The following EVC2 variants were observed in gnomAD, a reference collection of about 807,000 sequenced individuals.
EVC2 encodes limbin.
EVC2 carries 148 observed loss-of-function variants against 149.3 expected under a neutral mutation model. The ratio of observed to expected loss-of-function variants is 0.99; its 90% CI spans 0.87 to 1.14. The LOEUF (loss-of-function observed/expected upper bound fraction) is 1.14, where lower values mean the gene tolerates loss of function less well. EVC2 is among the 50% of genes most tolerant of loss of function. EVC2 has a pLI of 0.00. For synonymous variants in EVC2, 776 were observed against 649.9 expected (o/e 1.19, Z -2.95); for missense variants, 1,854 against 1,627.3 (o/e 1.14, Z -2.40).
chr4:5,615,695 T>C (rs1033016265), intron 15 of EVC2, 151 bp from the exon 16 acceptor site: 2 of 1,158,532 alleles, frequency 1.7e-6, no homozygotes, highest in Admixed American at 1.8e-5. Context: ...GAGAGAGGTA[T>C]GTTCTTCTGG....
chr4:5,604,989 G>C (rs1714271240), intron 16 of EVC2, among the ~76,000 whole-genome samples: 3 of 150,300 alleles, frequency 2.0e-5, no homozygotes, highest in Admixed American at 1.3e-4. Context: ...TGAAGATGAT[G>C]AGGATGAAGA....
rs765707073 is a variant in EVC2 at position 5,622,497 on chromosome 4, G to A, written c.2501+40C>T. On this transcript the variant is annotated intron_variant, in intron 14 of 21. Transcript: ENST00000344408. This position sits in a 1 kb window ranked among gnomAD's most constrained non-coding sequence, Gnocchi z 5.8. ...GGGCAGGAATCTCCCTGGCATCAAC[G>A]GGATGGGGAGGGGTGATTACGACCC... is the stretch of plus-strand genomic sequence containing the variant. 13 of 1,600,768 alleles carry A rather than the reference G, an allele frequency of 8.1e-6. No homozygotes were observed. The highest frequency in any genetic ancestry group is 3.4e-5 in the Admixed American group (2 of 58,836).
At chr4:5,611,320 T>C (rs1560163067) in intron 16 of EVC2, among the ~76,000 whole-genome samples, 1 of 152,250 alleles carries the variant, frequency 6.6e-6, no homozygotes, top group Admixed American at 6.5e-5. Flanking sequence ...AGTATGGAGA[T>C]TCACGCTCAT....
At chr4:5,603,776 A>G (rs940312568) in intron 16 of EVC2, among the ~76,000 whole-genome samples, 8 of 152,232 alleles carry the variant, frequency 5.3e-5, no homozygotes, top group African/African-American at 1.9e-4. Context: ...CAAGATCATT[A>G]TAATAAGACC....
chr4:5,589,528 T>G (rs1202844443), intron 16 of EVC2, among the ~76,000 whole-genome samples: 1 of 152,214 alleles, frequency 6.6e-6, no homozygotes, highest in Non-Finnish European at 1.5e-5. Flanking sequence ...CTGACTTGGC[T>G]TCCCCAAATT....
intron 20 of EVC2, among the ~76,000 whole-genome samples, chr4:5,566,531 A>G (rs1263523779): frequency 6.6e-6 from 1 of 152,048 alleles, no homozygotes; most frequent in African/African-American, 2.4e-5. Flanking sequence ...TTCAGTTCCC[A>G]TTGCTTGAAA....
At chr4:5,563,553 G>A (rs1157548723) in intron 21 of EVC2, among the ~76,000 whole-genome samples, 1 of 152,150 alleles carries the variant, frequency 6.6e-6, no homozygotes, top group Admixed American at 6.5e-5. Flanking sequence ...TGTTGGCCAG[G>A]ATGGTCTTGG....
At chr4:5,538,478 C>T (rs1043483880), downstream of EVC2, among the ~76,000 whole-genome samples, 2 of 152,200 alleles carry the variant, frequency 1.3e-5, no homozygotes, top group Non-Finnish European at 1.5e-5. Flanking sequence ...ATGAGGCCAG[C>T]GATAGCCTGA....
intron 17 of EVC2, among the ~76,000 whole-genome samples, chr4:5,578,070 C>G (rs1228215837): frequency 6.6e-6 from 1 of 152,204 alleles, no homozygotes; most frequent in Non-Finnish European, 1.5e-5. Flanking sequence ...CGTTTATAAT[C>G]TGCTGATGGT....
intron 7 of EVC2, among the ~76,000 whole-genome samples, chr4:5,680,490 T>G (rs538946312): frequency 6.6e-6 from 1 of 152,286 alleles, no homozygotes; most frequent in African/African-American, 2.4e-5. Context: ...TGCAGTCCAC[T>G]GTTCACCAAA....
intron 7 of EVC2, among the ~76,000 whole-genome samples, chr4:5,665,973 G>A (rs1719255334): frequency 6.6e-6 from 1 of 152,144 alleles, no homozygotes; most frequent in Non-Finnish European, 1.5e-5. Context: ...ATAATCCAAA[G>A]GAAGCACTAG....
chr4:5,599,356 T>C (rs1713762493), intron 16 of EVC2, among the ~76,000 whole-genome samples: 1 of 151,820 alleles, frequency 6.6e-6, no homozygotes, highest in African/African-American at 2.4e-5. Flanking sequence ...ATTAAGAAAA[T>C]GTGGCACATA....
At chr4:5,691,459 A>C in intron 3 of EVC2, 126 bp from the exon 4 acceptor site, 1 of 728,406 alleles carries the variant, frequency 1.4e-6, no homozygotes, top group Admixed American at 2.7e-5. Context: ...TCCTTAAGTA[A>C]TCTTGAAGTC....
chr4:5,646,678 G>GGTTT (rs571692208), intron 9 of EVC2, among the ~76,000 whole-genome samples: 1 of 152,074 alleles, frequency 6.6e-6, no homozygotes, highest in Non-Finnish European at 1.5e-5. Context: ...AATGAGTTTG[G>GGTTT]GTTTGTTTGT....
chr4:5,665,764 A>C (rs971702386), intron 7 of EVC2, 115 bp from the exon 8 acceptor site: 1 of 1,491,634 alleles, frequency 6.7e-7, no homozygotes, highest in Non-Finnish European at 9.1e-7. Flanking sequence ...ACTCGCTTGC[A>C]TTTGAGTCTC....
intron 16 of EVC2, among the ~76,000 whole-genome samples, chr4:5,590,916 G>C (rs1712738598): frequency 6.6e-6 from 1 of 152,170 alleles, no homozygotes; most frequent in Non-Finnish European, 1.5e-5. Flanking sequence ...GCAGCAGCAA[G>C]AAGTGCCAAG....
chr4:5,704,898 G>A (rs1722038029), intron 1 of EVC2, among the ~76,000 whole-genome samples: 1 of 151,722 alleles, frequency 6.6e-6, no homozygotes, highest in Non-Finnish European at 1.5e-5. Flanking sequence ...TTGTAGAGAT[G>A]GGGGTCTCAC....
At chr4:5,595,534 C>T (rs28865691) in intron 16 of EVC2, among the ~76,000 whole-genome samples, 1 of 152,008 alleles carries the variant, frequency 6.6e-6, no homozygotes, top group Non-Finnish European at 1.5e-5. Context: ...ATTTTGTCAC[C>T]ACCAGGCCTG....
intron 9 of EVC2, among the ~76,000 whole-genome samples, chr4:5,646,022 C>CG (rs1717686522): frequency 6.6e-6 from 1 of 152,120 alleles, no homozygotes; most frequent in Non-Finnish European, 1.5e-5. Flanking sequence ...CTCCACCTCC[C>CG]GGGTTCAAGT....
Sources: gnomAD v4.1 joint callset for allele counts (sites outside exome capture counted in the v4.1 genomes callset) on GRCh38, gnomAD v4.1.1 for gene constraint, Gnocchi (gnomAD v3.1) non-coding constraint, MANE v1.5 for transcripts, NCBI Gene and HGNC (gene_info 2026-07-23, HGNC 2026-07-21) for gene names.